The following AGTPBP1 variants were observed in gnomAD, a reference collection of about 807,000 sequenced individuals.
The protein encoded by AGTPBP1 is cytosolic carboxypeptidase 1.
AGTPBP1 carries 70 observed loss-of-function variants against 143.9 expected under a neutral mutation model. That is an observed-to-expected ratio of 0.49 (90% CI 0.40 to 0.59). AGTPBP1 has a LOEUF of 0.59. Ranked by LOEUF, AGTPBP1 falls within the 20% of genes least tolerant of loss-of-function variation. AGTPBP1 has a pLI of 0.00. For synonymous variants in AGTPBP1, 463 were observed against 500.2 expected, an observed-to-expected ratio of 0.93 and a Z score of 0.99; for missense variants, 1,229 against 1,464.5, an observed-to-expected ratio of 0.84 and a Z score of 2.62.
chr9:85,706,119 G>A (rs1277409178), intron 2 of AGTPBP1, among the ~76,000 whole-genome samples: 1 of 151,862 alleles, frequency 6.6e-6, no homozygotes, highest in Non-Finnish European at 1.5e-5. Context: ...CTAATAAGGA[G>A]CTACGCCAAC....
chr9:85,632,555 A>T, intron 14 of AGTPBP1, 107 bp downstream of exon 14: 1 of 981,360 alleles, frequency 1.0e-6, no homozygotes, highest in South Asian at 1.8e-5. Context: ...ACAGTAACTT[A>T]TAACTCACAG....
chr9:85,681,558 C>T (rs1216114728), intron 3 of AGTPBP1, among the ~76,000 whole-genome samples: 2 of 152,014 alleles, frequency 1.3e-5, no homozygotes, highest in Non-Finnish European at 2.9e-5. Flanking sequence ...CAGCTCCTGT[C>T]ATGAATTAGG....
chr9:85,725,013 C>T (rs567843041), intron 1 of AGTPBP1, among the ~76,000 whole-genome samples: 1 of 152,284 alleles, frequency 6.6e-6, no homozygotes, highest in South Asian at 2.1e-4. Flanking sequence ...TCCTATACCA[C>T]AGGAACTTGG....
At chr9:85,803,647 C>G in the AGTPBP1 span, among the ~76,000 whole-genome samples, 1 of 152,182 alleles carries the variant, frequency 6.6e-6, no homozygotes, top group Non-Finnish European at 1.5e-5. Flanking sequence ...ACTTTGTTTT[C>G]TTCTTTTATC....
chr9:85,752,979 C>T, the AGTPBP1 span, among the ~76,000 whole-genome samples: 7 of 152,188 alleles, frequency 4.6e-5, no homozygotes, highest in South Asian at 2.1e-4. Context: ...CATGCCATTG[C>T]ACTCTAGTCT....
chr9:85,593,482 T>C (rs560640022), intron 18 of AGTPBP1, among the ~76,000 whole-genome samples: 2 of 152,182 alleles, frequency 1.3e-5, no homozygotes, highest in African/African-American at 4.8e-5. Context: ...TAAAACACCA[T>C]TTAGAGGCAA....
At chr9:85,629,660 T>C (rs887742284) in intron 14 of AGTPBP1, among the ~76,000 whole-genome samples, 2 of 152,210 alleles carry the variant, frequency 1.3e-5, no homozygotes, top group Admixed American at 6.5e-5. Context: ...ATCATGCATT[T>C]AACTATAATA....
chr9:85,591,158 C>G (rs990786744), intron 19 of AGTPBP1, among the ~76,000 whole-genome samples: 1 of 146,922 alleles, frequency 6.8e-6, no homozygotes. Context: ...ATAAATAATA[C>G]TTCAAATAGT....
chr9:85,688,526 GA>G (rs1835640949), intron 3 of AGTPBP1, among the ~76,000 whole-genome samples: 1 of 152,042 alleles, frequency 6.6e-6, no homozygotes, highest in Non-Finnish European at 1.5e-5. Context: ...CAAGAAAAAA[GA>G]AAGGACACAA....
At chr9:85,595,438 T>C (rs760919166) in intron 18 of AGTPBP1, among the ~76,000 whole-genome samples, 2 of 152,208 alleles carry the variant, frequency 1.3e-5, no homozygotes, top group Non-Finnish European at 2.9e-5. Context: ...GCAAGATACA[T>C]GAGAATCCTC....
intron 23 of AGTPBP1, among the ~76,000 whole-genome samples, chr9:85,579,324 G>T (rs1022373508): frequency 6.6e-6 from 1 of 151,960 alleles, no homozygotes; most frequent in Non-Finnish European, 1.5e-5. Context: ...TGGAAGAATC[G>T]TATTCACGGT....
At chr9:85,594,567 G>A (rs1345831989) in intron 18 of AGTPBP1, among the ~76,000 whole-genome samples, 1 of 149,742 alleles carries the variant, frequency 6.7e-6, no homozygotes, top group Non-Finnish European at 1.5e-5. Context: ...TCCAGCCTGG[G>A]CAACAGGGCA....
At chr9:85,715,001 C>A (rs1405354265) in intron 1 of AGTPBP1, among the ~76,000 whole-genome samples, 1 of 152,074 alleles carries the variant, frequency 6.6e-6, no homozygotes, top group Non-Finnish European at 1.5e-5. Flanking sequence ...AATCCCAGCA[C>A]TTCGGGAGGC....
chr9:85,718,123 G>C (rs1837841346), intron 1 of AGTPBP1, among the ~76,000 whole-genome samples: 1 of 152,078 alleles, frequency 6.6e-6, no homozygotes, highest in Non-Finnish European at 1.5e-5. Flanking sequence ...ATTGTGAATG[G>C]TGCCATAATA....
At chr9:85,593,068 A>G (rs190925911) in intron 18 of AGTPBP1, among the ~76,000 whole-genome samples, 2 of 152,304 alleles carry the variant, frequency 1.3e-5, no homozygotes, top group African/African-American at 4.8e-5. Context: ...ACGTGGATGG[A>G]TCAGGCTACA....
chr9:85,602,617 G>T (rs888069101), intron 17 of AGTPBP1, among the ~76,000 whole-genome samples: 1 of 152,160 alleles, frequency 6.6e-6, no homozygotes, highest in Non-Finnish European at 1.5e-5. Flanking sequence ...GAACAAGATG[G>T]CCAAATAGAA....
At chr9:85,731,950 T>G (rs572711201) in intron 1 of AGTPBP1, among the ~76,000 whole-genome samples, 1 of 152,320 alleles carries the variant, frequency 6.6e-6, no homozygotes, top group African/African-American at 2.4e-5. Flanking sequence ...GTTCAGATAC[T>G]TATAAAAAGT....
the AGTPBP1 span, among the ~76,000 whole-genome samples, chr9:85,788,479 CAAGT>C: frequency 6.7e-6 from 1 of 149,302 alleles, no homozygotes; most frequent in African/African-American, 2.5e-5. Flanking sequence ...ATAGGTAAAA[CAAGT>C]ATGTGTAAAT....
intron 12 of AGTPBP1, 49 bp downstream of exon 12, chr9:85,646,272 T>G (rs1832800341): frequency 7.3e-7 from 1 of 1,361,632 alleles, no homozygotes; most frequent in Admixed American, 1.8e-5. Flanking sequence ...GTTTTACAAC[T>G]GTAGTATATC....
Sources: gnomAD v4.1 joint callset for allele counts (sites outside exome capture counted in the v4.1 genomes callset) on GRCh38, gnomAD v4.1.1 for gene constraint, MANE v1.5 for transcripts, NCBI Gene and HGNC (gene_info 2026-07-23, HGNC 2026-07-21) for gene names.